The following HP variants were observed in gnomAD, a reference collection of about 807,000 sequenced individuals.
HP encodes the protein haptoglobin alpha(1S)-beta.
A neutral mutation model predicts 23.2 loss-of-function variants in HP; 9 were observed. That is an observed-to-expected ratio of 0.39 (90% CI 0.23 to 0.68). HP has a LOEUF of 0.68. Ranked by LOEUF, HP falls within the 30% of genes least tolerant of loss-of-function variation. The pLI is 0.47. For synonymous variants in HP, 155 were observed against 183.3 expected, an observed-to-expected ratio of 0.85 and a Z score of 1.25; for missense variants, 433 against 483.6, an observed-to-expected ratio of 0.90 and a Z score of 0.98.
chr16:72,059,988 A>G (rs2041515265), intron 6 of HP, 124 bp from the exon 7 acceptor site: 11 of 1,516,182 alleles, frequency 7.3e-6, no homozygotes, highest in Admixed American at 6.3e-5. Context: ...GCAGGTGGTA[A>G]GGGCAAAGCA....
chr16:72,060,033 C>T (rs2041516096), intron 6 of HP, 79 bp from the exon 7 acceptor site: 23 of 1,591,754 alleles, frequency 1.4e-5, no homozygotes, highest in South Asian at 2.2e-5. Context: ...CAGTGACAGC[C>T]GCCCATGCTT....
At chr16:72,056,379 G>A (rs927708093) in intron 2 of HP, 136 bp downstream of exon 2, 5 of 1,567,404 alleles carry the variant, frequency 3.2e-6, no homozygotes, top group Non-Finnish European at 4.3e-6. Flanking sequence ...TGGGGTTCCT[G>A]CCAGAAATGA....
At chr16:72,057,959 C>A in intron 4 of HP, 1 of 397,062 alleles carries the variant, frequency 2.5e-6, no homozygotes, top group South Asian at 2.3e-5. Context: ...GAAATGCCAA[C>A]CTGCCTCGTA....
intron 3 of HP, chr16:72,057,054 T>C: frequency 2.8e-6 from 1 of 356,256 alleles, no homozygotes; most frequent in South Asian, 2.2e-5. Flanking sequence ...ACTTTGCTGA[T>C]AAGGAAACTG....
At chr16:72,059,071 G>C in intron 5 of HP, 43 bp from the exon 6 acceptor site, 2 of 1,534,618 alleles carry the variant, frequency 1.3e-6, no homozygotes, top group East Asian at 2.2e-5. Context: ...ACGGGGTCTA[G>C]ACTTGACTTC....
chr16:72,060,829 G>C lies in HP; in HGVS notation c.1160G>C (p.Gly387Ala). The change falls in exon 7 of 7, where the codon GGT becomes GCT. Residue 387 changes from glycine (G) to alanine (A), a missense_variant. Gly to Ala is a moderately conservative substitution (Grantham distance 60, BLOSUM62 0). Transcript: ENST00000355906. ...FDKSCAVAEY[G>A]VYVKVTSIQD... is the part of the protein sequence containing the mutation. Reference sequence around the variant, plus strand: ...AAGAGCTGTGCTGTGGCTGAGTATGGTGTGTATGTGAAGGTGACTTCCATC... The same window carrying C: ...AAGAGCTGTGCTGTGGCTGAGTATGCTGTGTATGTGAAGGTGACTTCCATC... 3 of 1,613,114 alleles carry C rather than the reference G, an allele frequency of 1.9e-6. No individual in the cohort carries two copies. Among genetic ancestry groups the C allele is most frequent in the Non-Finnish European group, 1.7e-6 (2 of 1,179,414 alleles).
Position 72,059,179 on chromosome 16 carries a change from T to A in HP, c.433T>A (p.Cys145Ser). The stretch of plus-strand genomic sequence containing the variant: ...GGCTGTTGGAGATAAACTTCCTGAA[T>A]GTGAAGCAGGTGGGTGCTGAGCACT... ...NKAVGDKLPE[C>S]EAVCGKPKNP... The change falls in exon 6 of 7, where the codon TGT (cysteine) becomes AGT (serine). Residue 145 changes from cysteine (C) to serine (S), a missense_variant. This residue lies in a region of HP where 326 missense variants were observed against 358.1 expected (regional missense o/e 0.91). Transcript: ENST00000355906. 1 of 1,565,158 alleles carries A rather than the reference T, an allele frequency of 6.4e-7. No individual in the cohort carries two copies. Among genetic ancestry groups the A allele is most frequent in the Non-Finnish European group, 8.7e-7 (1 of 1,148,858 alleles).
At position 72,056,534 on chromosome 16, in the gene HP, C is replaced by A; in HGVS notation, c.93C>A (p.Asp31Glu). The A allele has an allele frequency of 6.6e-7, 1 of 1,510,110 alleles. No individual in the cohort carries two copies. The highest frequency in any genetic ancestry group is 8.9e-7 in the Non-Finnish European group (1 of 1,119,000). 93.5% of individuals were successfully genotyped at this position (1,510,110 alleles called of 1,614,324 possible). Reference protein sequence around the residue: ...SGNDVTDIADDGCPKPPEIAH... With the variant: ...SGNDVTDIADEGCPKPPEIAH... ...CTGGCTTCTCTCTCTTTGCAGATGA[C>A]GGCTGCCCGAAGCCCCCCGAGATTG... Residue 31 changes from aspartate to glutamate, a missense_variant, in exon 3 of 7, where the codon GAC becomes GAA. By Grantham distance (45) the Asp-to-Glu change is conservative. Transcript: ENST00000355906.
chr16:72,059,278 A>C, intron 6 of HP, 90 bp downstream of exon 6: 1 of 1,504,780 alleles, frequency 6.6e-7, no homozygotes, highest in South Asian at 1.1e-5. Flanking sequence ...CTCTGAGCAC[A>C]CAAGAGCCAG....
At chr16:72,059,423 C>A in intron 6 of HP, 6 of 652,974 alleles carry the variant, frequency 9.2e-6, no homozygotes, top group Non-Finnish European at 1.6e-5. Context: ...CTACATCGCC[C>A]ACAGATTAGG....
Position 72,060,658 on chromosome 16 carries a change from T to C in HP, c.989T>C (p.Val330Ala). 2 of 1,614,046 alleles carry C rather than the reference T, an allele frequency of 1.2e-6. No individual in the cohort carries two copies. The highest frequency in any genetic ancestry group is 1.7e-6 in the Non-Finnish European group (2 of 1,179,992). Residue 330 changes from valine to alanine, a missense_variant, in exon 7 of 7, where the codon GTG becomes GCG. By Grantham distance (64) the Val-to-Ala change is moderately conservative (BLOSUM62 0). Transcript: ENST00000355906. Reference sequence around the variant, plus strand: ...AAGACACCGAAGAGCCCTGTAGGGGTGCAGCCCATACTGAATGAACACACC... The same window carrying C: ...AAGACACCGAAGAGCCCTGTAGGGGCGCAGCCCATACTGAATGAACACACC... ...EKKTPKSPVGVQPILNEHTFC... is the reference protein window; with the variant it reads ...EKKTPKSPVGAQPILNEHTFC...
Sources: allele counts gnomAD v4.1 joint callset, GRCh38; gene constraint gnomAD v4.1.1; regional missense constraint gnomAD v4.1.1; transcripts MANE v1.5; gene names NCBI Gene and HGNC (gene_info 2026-07-23, HGNC 2026-07-21).